The following NDST3 variants were observed in gnomAD, a reference collection of about 807,000 sequenced individuals.
NDST3 encodes the protein N-deacetylase and N-sulfotransferase 3.
A neutral mutation model predicts 96.1 loss-of-function variants in NDST3; 58 were observed. The ratio of observed to expected loss-of-function variants is 0.60; its 90% confidence interval spans 0.49 to 0.75. The LOEUF (loss-of-function observed/expected upper bound fraction) is 0.75. Among genes scored for constraint, NDST3 ranks in the 30% least tolerant of loss-of-function variants. The pLI, the probability that NDST3 is intolerant of heterozygous loss-of-function variation, is 0.00. For missense variants in NDST3, 788 were observed against 1,034.2 expected, an observed-to-expected ratio of 0.76 and a Z score of 3.27; for synonymous variants, 333 against 359.7, an observed-to-expected ratio of 0.93 and a Z score of 0.84.
At chr4:118,119,582 C>A (rs965055736) in intron 4 of NDST3, among the ~76,000 whole-genome samples, 2 of 151,984 alleles carry the variant, frequency 1.3e-5, no homozygotes, top group South Asian at 2.1e-4. Context: ...TTGTTCAGAG[C>A]AAAATGACCA....
chr4:118,062,803 G>C (rs966091848), intron 2 of NDST3, among the ~76,000 whole-genome samples: 1 of 152,074 alleles, frequency 6.6e-6, no homozygotes, highest in Non-Finnish European at 1.5e-5. Context: ...CGTTCTAAAA[G>C]AATGAGTTAT....
rs1236623894 is a variant in NDST3, at chr4:118,251,955, TAAC to T, written c.2400-1541_2400-1539del. ...TATAGCTCCCTTTTTTTCTAAAACT[TAAC>T]AAAGTTTTGTAGTTTTAAGTGTGCA... On this transcript the variant is annotated intron_variant, in intron 12 of 13. Transcript: ENST00000296499. 7.2e-5 allele frequency among the ~76,000 whole-genome samples: 11 copies of T among 152,284 alleles called. No homozygotes were observed. In the East Asian group the frequency reaches 1.9e-3, roughly 27 times the overall value.
chr4:118,162,575 C>A (rs1311660092), intron 6 of NDST3, among the ~76,000 whole-genome samples: 1 of 151,250 alleles, frequency 6.6e-6, no homozygotes, highest in Non-Finnish European at 1.5e-5. Flanking sequence ...GGATCCCTTC[C>A]TTACACCTTA....
chr4:118,088,232 C>T (rs889908450), intron 2 of NDST3, among the ~76,000 whole-genome samples: 3 of 151,782 alleles, frequency 2.0e-5, no homozygotes, highest in East Asian at 1.9e-4. Context: ...TAAAGGATAC[C>T]GTCTTAAAAT....
chr4:118,079,657 A>G (rs1326004072), intron 2 of NDST3, among the ~76,000 whole-genome samples: 1 of 152,166 alleles, frequency 6.6e-6, no homozygotes, highest in Non-Finnish European at 1.5e-5. Context: ...GATTTCAGGG[A>G]GCAGCCATTG....
At chr4:118,041,064 C>T (rs1171228018) in intron 1 of NDST3, among the ~76,000 whole-genome samples, 2 of 151,762 alleles carry the variant, frequency 1.3e-5, no homozygotes, top group African/African-American at 4.8e-5. Flanking sequence ...AGCTTTAACC[C>T]TCATTAAAAT....
At chr4:118,095,431 G>A (rs1476788900) in intron 2 of NDST3, among the ~76,000 whole-genome samples, 1 of 151,810 alleles carries the variant, frequency 6.6e-6, no homozygotes, top group Non-Finnish European at 1.5e-5. Flanking sequence ...TTTTCTTAAA[G>A]TCAGTGTAAA....
intron 4 of NDST3, among the ~76,000 whole-genome samples, chr4:118,122,807 T>C (rs927972503): frequency 1.9e-4 from 29 of 152,204 alleles, no homozygotes; most frequent in African/African-American, 6.5e-4. Flanking sequence ...CGCTTAGGGC[T>C]TTCCATACAT....
intron 6 of NDST3, among the ~76,000 whole-genome samples, chr4:118,223,432 C>G (rs1739673396): frequency 6.6e-6 from 1 of 151,908 alleles, no homozygotes; most frequent in South Asian, 2.1e-4. Flanking sequence ...AAATCACTCA[C>G]AAAATAATTT....
chr4:118,222,871 A>G (rs1476614122), intron 6 of NDST3, among the ~76,000 whole-genome samples: 1 of 151,994 alleles, frequency 6.6e-6, no homozygotes, highest in East Asian at 1.9e-4. Flanking sequence ...CTGAGGTTAA[A>G]AAGTGAATTC....
At chr4:118,236,324 T>G (rs1285029423) in intron 9 of NDST3, among the ~76,000 whole-genome samples, 1 of 152,246 alleles carries the variant, frequency 6.6e-6, no homozygotes, top group Non-Finnish European at 1.5e-5. Flanking sequence ...ATTTCAGTGC[T>G]TGAACCTATA....
intron 12 of NDST3, among the ~76,000 whole-genome samples, chr4:118,251,306 T>C (rs79070943): frequency 0.12 from 17,838 of 151,158 alleles, 1,318 homozygotes; most frequent in South Asian, 0.19. Context: ...TTTTGTATTT[T>C]TAGTAGAGAT....
intron 2 of NDST3, among the ~76,000 whole-genome samples, chr4:118,085,234 G>GT (rs1728330675): frequency 2.0e-5 from 3 of 152,100 alleles, no homozygotes; most frequent in Non-Finnish European, 2.9e-5. Context: ...TTTATTGACA[G>GT]TAGCAGACCA....
At chr4:118,239,064 A>C (rs1740858316) in intron 10 of NDST3, among the ~76,000 whole-genome samples, 1 of 152,214 alleles carries the variant, frequency 6.6e-6, no homozygotes, top group East Asian at 1.9e-4. Flanking sequence ...AAAAACCTCT[A>C]ATCTGAAGTC....
chr4:118,230,379 T>C (rs1740191740), intron 8 of NDST3, among the ~76,000 whole-genome samples: 1 of 151,882 alleles, frequency 6.6e-6, no homozygotes, highest in South Asian at 2.1e-4. Flanking sequence ...ATCGAGACCA[T>C]CCTGGCTAAC....
chr4:118,112,339 T>G (rs4569819), intron 3 of NDST3, among the ~76,000 whole-genome samples: 128,704 of 152,152 alleles, frequency 0.85, 56,237 homozygotes, highest in South Asian at 0.96. Context: ...CAGGAAAGCT[T>G]CAAGGAAAGA....
At position 118,054,696 on chromosome 4, in the gene NDST3, G is replaced by A. The variant is rs773327067; in HGVS notation, c.786G>A (p.Gly262=). The A allele has an allele frequency of 6.2e-7, 1 of 1,613,336 alleles. No homozygotes were observed. ...ATGCCACTATTATACATGACCTGGG[G>A]CTTCATGATGGAATTCAAAGGGTTC... The part of the protein sequence containing the change: ...AFYATIIHDL[G]LHDGIQRVLF... The change falls in exon 2 of 14, where the codon GGG becomes GGA. Residue 262 remains glycine (G), a synonymous_variant. Transcript: ENST00000296499.
intron 10 of NDST3, 114 bp from the exon 11 acceptor site, chr4:118,240,410 T>TC: frequency 1.3e-6 from 1 of 784,088 alleles, no homozygotes; most frequent in Non-Finnish European, 1.8e-6. Context: ...AATAGATAAC[T>TC]CTCCAGCAGT....
intron 4 of NDST3, among the ~76,000 whole-genome samples, chr4:118,124,081 T>C (rs1241972958): frequency 2.0e-5 from 3 of 152,156 alleles, no homozygotes; most frequent in Admixed American, 2.0e-4. Flanking sequence ...GAAGGGGTTT[T>C]TGCTTATGTT....
Sources: gnomAD v4.1 joint callset for allele counts (sites outside exome capture counted in the v4.1 genomes callset) on GRCh38, gnomAD v4.1.1 for gene constraint, MANE v1.5 for transcripts, NCBI Gene and HGNC (gene_info 2026-07-23, HGNC 2026-07-21) for gene names.